Variants in PDLIM7 observed in about 807,000 individuals in gnomAD.
PDLIM7 encodes PDZ and LIM domain protein 7.
PDLIM7 carries 37 observed loss-of-function variants against 53.9 expected under a neutral mutation model. That is an observed-to-expected ratio of 0.69 (90% CI 0.53 to 0.90). The LOEUF (loss-of-function observed/expected upper bound fraction) is 0.90, where lower values mean the gene tolerates loss of function less well. Among genes scored for constraint, PDLIM7 ranks in the 40% least tolerant of loss-of-function variants. The pLI is 0.00. For missense variants in PDLIM7, 617 were observed against 638.5 expected, an observed-to-expected ratio of 0.97 and a Z score of 0.36; for synonymous variants, 300 against 261.3, an observed-to-expected ratio of 1.15 and a Z score of -1.43.
intron 5 of PDLIM7, chr5:177,491,538 G>A: frequency 4.7e-6 from 4 of 853,076 alleles, no homozygotes; most frequent in Middle Eastern, 2.9e-4. Context: ...AGTGTCTGGG[G>A]CTCAGCTGGC....
rs550542884 is a variant in PDLIM7, at chr5:177,491,475, G to A, written c.399-329C>T. ...TAAAGGGACAAAGGGACAGACACAG[G>A]AGAGGAAGAAAGACGGGGAGGGGTC... On this transcript the variant is annotated intron_variant, in intron 5 of 12. Transcript: ENST00000355841. 4.3e-6 allele frequency: 6 copies of A among 1,409,340 alleles called. No homozygotes were observed. In the South Asian group the frequency reaches 7.4e-5, roughly 17 times the overall value. The allele number at this position is 1,409,340 out of a possible 1,614,324, so 87.3% of individuals were successfully genotyped here.
At chr5:177,491,271 G>A (rs1205700083) in intron 5 of PDLIM7, 125 bp from the exon 6 acceptor site, 1 of 1,435,824 alleles carries the variant, frequency 7.0e-7, no homozygotes, top group African/African-American at 1.4e-5. Context: ...GGTGAGGCCA[G>A]GAGCCCTGCT....
chr5:177,489,818 G>C lies in PDLIM7; in HGVS notation c.587C>G (p.Thr196Arg). 1.3e-6 allele frequency: 2 copies of C among 1,584,984 alleles called. No individual in the cohort carries two copies. Among genetic ancestry groups the C allele is most frequent in the Non-Finnish European group, 1.7e-6 (2 of 1,167,430 alleles). ...HLKKSSQVPR[T>R]EAPAPASSTP... ...AGATGAGGCTGGGGCTGGGGCTTCT[G>C]TCCTGGGCACCTGGCTGCAAGATCT... Residue 196 changes from threonine to arginine, a missense_variant, in exon 8 of 13, where the codon ACA (threonine) becomes AGA (arginine). Coordinates refer to ENST00000355841, the MANE Select transcript of PDLIM7 (RefSeq NM_005451.5).
intron 10 of PDLIM7, chr5:177,485,141 A>T (rs993831565): frequency 6.6e-6 from 1 of 152,306 alleles, no homozygotes; most frequent in Non-Finnish European, 1.5e-5. Context: ...TATTGCGCTT[A>T]TTGCTTACAG....
chr5:177,494,230 A>C (rs1758951746), intron 2 of PDLIM7, among the ~76,000 whole-genome samples: 1 of 152,244 alleles, frequency 6.6e-6, no homozygotes, highest in South Asian at 2.1e-4. Flanking sequence ...CCCAGCTAGT[A>C]AGAGGCAGAG....
intron 9 of PDLIM7, among the ~76,000 whole-genome samples, chr5:177,489,080 G>A (rs1175963115): frequency 1.3e-5 from 2 of 152,212 alleles, no homozygotes; most frequent in Non-Finnish European, 1.5e-5. Flanking sequence ...AGGAGGGAGG[G>A]GCAGACGCGC....
At chr5:177,488,379 G>A in intron 9 of PDLIM7, 131 bp from the exon 10 acceptor site, 1 of 703,628 alleles carries the variant, frequency 1.4e-6, no homozygotes, top group Non-Finnish European at 2.3e-6. Context: ...TTCCACATAG[G>A]ATAGAAGACA....
intron 5 of PDLIM7, 138 bp from the exon 6 acceptor site, chr5:177,491,284 G>T: frequency 1.4e-6 from 2 of 1,436,190 alleles, no homozygotes; most frequent in Non-Finnish European, 1.9e-6. Context: ...GCCCTGCTGG[G>T]CGGGTAGGTG....
intron 2 of PDLIM7, 109 bp from the exon 3 acceptor site, chr5:177,492,786 A>C (rs1758872817): frequency 8.2e-7 from 1 of 1,225,560 alleles, no homozygotes; most frequent in Non-Finnish European, 1.2e-6. Flanking sequence ...CAGAACCCAG[A>C]GAGCTCTTCA....
chr5:177,490,647 G>T, intron 7 of PDLIM7: 1 of 1,243,542 alleles, frequency 8.0e-7, no homozygotes. Flanking sequence ...AGATGGAAGG[G>T]AGGCAGGGAG....
In PDLIM7 at chr5:177,496,324, G is replaced by T. The variant is rs1398268853; in HGVS notation, c.96+93C>A. Reference sequence around the variant, plus strand: ...GACATCTCCTGGCCTGCTGGCCCCTGACCAGCTCCTGTTAGGACTCCCCCC... The same window carrying T: ...GACATCTCCTGGCCTGCTGGCCCCTTACCAGCTCCTGTTAGGACTCCCCCC... On this transcript the variant is annotated intron_variant, in intron 2 of 12. Transcript: ENST00000355841. The T allele has an allele frequency of 4.3e-6, 4 of 937,972 alleles. No homozygotes were observed. The African/African-American group carries it at 6.8e-5, about 16-fold the overall frequency. 58.1% of individuals were successfully genotyped at this position (937,972 alleles called of 1,614,324 possible).
rs759471266 is a variant in PDLIM7, at chr5:177,492,687, G to C, written c.97-10C>G. ...TGCCCCCAGGAGTGAGCTGTGGAGAGAGAAGCAAAGTGACCGAGGCCCTGG... is the reference window on the plus strand; with the variant it reads ...TGCCCCCAGGAGTGAGCTGTGGAGACAGAAGCAAAGTGACCGAGGCCCTGG... On this transcript the variant is annotated splice_polypyrimidine_tract_variant and intron_variant, in intron 2 of 12. Coordinates refer to ENST00000355841, the MANE Select transcript of PDLIM7 (RefSeq NM_005451.5). The C allele has an allele frequency of 3.8e-6, 6 of 1,598,398 alleles. No homozygotes were observed. Among genetic ancestry groups the C allele is most frequent in the African/African-American group, 1.3e-5 (1 of 74,984 alleles).
chr5:177,492,827 C>T (rs1758874473), intron 2 of PDLIM7, 150 bp from the exon 3 acceptor site: 1 of 771,406 alleles, frequency 1.3e-6, no homozygotes, highest in South Asian at 1.8e-5. Context: ...CTGCTGGACA[C>T]TAAAGCAACC....
At chr5:177,485,556 T>A (rs573183334) in intron 10 of PDLIM7, among the ~76,000 whole-genome samples, 2 of 152,298 alleles carry the variant, frequency 1.3e-5, no homozygotes, top group East Asian at 3.9e-4. Flanking sequence ...TGAGTTTAAA[T>A]CCAGGGATCC....
chr5:177,494,433 G>A (rs1192565339), intron 2 of PDLIM7, among the ~76,000 whole-genome samples: 1 of 152,208 alleles, frequency 6.6e-6, no homozygotes, highest in Non-Finnish European at 1.5e-5. Flanking sequence ...ACTTACTCAA[G>A]GTCATGGTGA....
In PDLIM7 at chr5:177,489,391, AC is replaced by A; in HGVS notation, c.869+1del. ...AGGGTCGGACAGGAACAGGCCACCC[AC>A]CGGATGACCTTGTGGCACTGGTGAC... On this transcript the variant is annotated splice_donor_variant, in intron 9 of 12. Coordinates refer to ENST00000355841, the MANE Select transcript of PDLIM7 (RefSeq NM_005451.5). LOFTEE classifies it high-confidence loss of function. The A allele has an allele frequency of 6.4e-7, 1 of 1,562,588 alleles. No individual in the cohort carries two copies. Among genetic ancestry groups the A allele is most frequent in the Non-Finnish European group, 8.7e-7 (1 of 1,150,888 alleles).
intron 7 of PDLIM7, chr5:177,490,205 T>A (rs1758678204): frequency 6.2e-6 from 9 of 1,445,900 alleles, no homozygotes; most frequent in Non-Finnish European, 8.2e-6. Context: ...ACACCCCAAA[T>A]GCAAACCAGG....
At chr5:177,491,741 G>A (rs1475715592) in intron 5 of PDLIM7, 66 bp downstream of exon 5, 7 of 789,154 alleles carry the variant, frequency 8.9e-6, no homozygotes, top group Non-Finnish European at 1.2e-5. Context: ...GAGCAGCAGC[G>A]GGCAGCGGGC....
At chr5:177,496,615 G>A (rs1759086319) in intron 1 of PDLIM7, 92 bp from the exon 2 acceptor site, 4 of 812,060 alleles carry the variant, frequency 4.9e-6, no homozygotes, top group Non-Finnish European at 7.3e-6. Flanking sequence ...TTGGACAGGG[G>A]CCAGGCAGGC....
Sources: allele counts gnomAD v4.1 joint callset (sites outside exome capture counted in the v4.1 genomes callset), GRCh38; gene constraint gnomAD v4.1.1; transcripts MANE v1.5; gene names NCBI Gene and HGNC (gene_info 2026-07-23, HGNC 2026-07-21).